CADPS2: variants seen among roughly 807,000 people sequenced by gnomAD.
The protein encoded by CADPS2 is calcium dependent secretion activator 2.
Under a neutral mutation model 172.5 loss-of-function variants are expected in CADPS2, and 93 were observed. That is an observed-to-expected ratio of 0.54 (90% CI 0.46 to 0.64). The LOEUF is 0.64. Ranked by LOEUF, CADPS2 falls within the 30% of genes least tolerant of loss-of-function variation. The pLI is 0.00. For synonymous variants in CADPS2, 546 were observed against 555.2 expected (o/e 0.98, Z 0.23); for missense variants, 1,420 against 1,565.9 (o/e 0.91, Z 1.57).
chr7:122,337,851 A>G (rs1447276394), intron 28 of CADPS2, among the ~76,000 whole-genome samples: 1 of 151,800 alleles, frequency 6.6e-6, no homozygotes. Context: ...TGACTATCTT[A>G]AAAGAGGTCA....
chr7:122,609,625 C>A (rs1312183985), intron 6 of CADPS2, among the ~76,000 whole-genome samples: 1 of 152,152 alleles, frequency 6.6e-6, no homozygotes, highest in Non-Finnish European at 1.5e-5. Flanking sequence ...TCTATCAATA[C>A]CATGTTTATT....
intron 9 of CADPS2, among the ~76,000 whole-genome samples, chr7:122,511,874 C>A (rs1002125919): frequency 1.3e-5 from 2 of 152,126 alleles, no homozygotes; most frequent in Non-Finnish European, 2.9e-5. Context: ...CATTTTAATT[C>A]ATGCACCAAT....
intron 17 of CADPS2, among the ~76,000 whole-genome samples, chr7:122,421,655 A>G (rs1025252041): frequency 1.3e-5 from 2 of 152,240 alleles, no homozygotes; most frequent in Admixed American, 6.5e-5. Flanking sequence ...GAATTTACAT[A>G]TATCTCTTTC....
chr7:122,787,918 A>G (rs1180326178), intron 1 of CADPS2, among the ~76,000 whole-genome samples: 2 of 152,198 alleles, frequency 1.3e-5, no homozygotes, highest in Non-Finnish European at 1.5e-5. Flanking sequence ...AAAACTGGAA[A>G]GGCTTTTAGG....
intron 1 of CADPS2, among the ~76,000 whole-genome samples, chr7:122,830,199 CAG>C (rs1229014137): frequency 6.6e-6 from 1 of 152,122 alleles, no homozygotes; most frequent in African/African-American, 2.4e-5. Context: ...CACCACAATG[CAG>C]AGAGACTTCA....
At chr7:122,532,704 TA>T (rs2061884565) in intron 8 of CADPS2, among the ~76,000 whole-genome samples, 1 of 151,984 alleles carries the variant, frequency 6.6e-6, no homozygotes, top group Non-Finnish European at 1.5e-5. Context: ...TTCTGAAACT[TA>T]AAAAAATGAA....
At chr7:122,591,918 T>C (rs2070871157) in intron 6 of CADPS2, among the ~76,000 whole-genome samples, 1 of 152,050 alleles carries the variant, frequency 6.6e-6, no homozygotes, top group South Asian at 2.1e-4. Context: ...ATTCAGGACA[T>C]AGGCATGGAC....
chr7:122,803,543 A>G (rs1463697051), intron 1 of CADPS2, among the ~76,000 whole-genome samples: 1 of 152,214 alleles, frequency 6.6e-6, no homozygotes, highest in Non-Finnish European at 1.5e-5. Flanking sequence ...TGACAAAGCC[A>G]TAAATCACAG....
intron 1 of CADPS2, among the ~76,000 whole-genome samples, chr7:122,811,186 C>G (rs2140160444): frequency 6.6e-6 from 1 of 152,270 alleles, no homozygotes; most frequent in African/African-American, 2.4e-5. Context: ...CCCATATAAT[C>G]TCATTCAATT....
At chr7:122,837,092 T>G (rs1808719382) in intron 1 of CADPS2, among the ~76,000 whole-genome samples, 1 of 152,192 alleles carries the variant, frequency 6.6e-6, no homozygotes, top group African/African-American at 2.4e-5. Context: ...CAGACCACAG[T>G]GCAATCAAAC....
chr7:122,368,750 A>G (rs10258797), intron 25 of CADPS2, among the ~76,000 whole-genome samples: 122,903 of 152,132 alleles, frequency 0.81, 50,104 homozygotes, highest in African/African-American at 0.89. Flanking sequence ...ACTCTTCCAA[A>G]TCCAGCATTC....
intron 28 of CADPS2, among the ~76,000 whole-genome samples, chr7:122,342,842 C>T (rs79949581): frequency 0.025 from 3,732 of 152,186 alleles, 144 homozygotes; most frequent in African/African-American, 0.084. Flanking sequence ...CGTCATGATG[C>T]CTGAATGAAA....
intron 1 of CADPS2, among the ~76,000 whole-genome samples, chr7:122,807,269 A>G (rs1314458694): frequency 5.3e-5 from 8 of 152,184 alleles, no homozygotes; most frequent in Non-Finnish European, 1.2e-4. Context: ...TGCAGGCTCC[A>G]AGACTCACAT....
intron 1 of CADPS2, among the ~76,000 whole-genome samples, chr7:122,869,922 G>A (rs147181280): frequency 5.3e-5 from 8 of 152,086 alleles, no homozygotes; most frequent in African/African-American, 4.8e-5. Context: ...TTTTATGGTA[G>A]CCTCATGGTA....
In CADPS2 at chr7:122,637,171, CTTTTTTTTTTTTTTTTTTT is replaced by C. The variant is rs71161313; in HGVS notation, c.787-7862_787-7844del. Among the ~76,000 whole-genome samples the C allele has an allele frequency of 3.7e-3, 201 of 53,900 alleles. 1 individual carries two copies. Among genetic ancestry groups the C allele is most frequent in the African/African-American group, 5.8e-3 (79 of 13,648 alleles). 35.4% of individuals were successfully genotyped at this position (53,900 alleles called of 152,430 possible). A position where few individuals can be genotyped will look rare whatever the true frequency, so the allele number is the denominator to read the frequency against. On this transcript the variant is annotated intron_variant, in intron 3 of 29. Transcript: ENST00000449022. Reference sequence around the variant, plus strand: ...CTTCTGACTGCATTATGAAATTTTGCTTTTTTTTTTTTTTTTTTTTTTTTTTTTTTTTTTTTTCCTGAGA... The same window carrying C: ...CTTCTGACTGCATTATGAAATTTTGCTTTTTTTTTTTTTTTTTTCCTGAGA...
intron 1 of CADPS2, among the ~76,000 whole-genome samples, chr7:122,749,553 C>T (rs1237287832): frequency 6.6e-6 from 1 of 152,056 alleles, no homozygotes; most frequent in Non-Finnish European, 1.5e-5. Context: ...CTGCAACCCA[C>T]TTTAAAATAA....
chr7:122,388,799 A>T (rs1206817696), intron 22 of CADPS2, 61 bp from the exon 23 acceptor site: 1 of 1,413,486 alleles, frequency 7.1e-7, no homozygotes, highest in East Asian at 2.4e-5. Context: ...TACCATTAAT[A>T]CATTGTTTTT....
chr7:122,639,021 C>T (rs1207347567), intron 3 of CADPS2, among the ~76,000 whole-genome samples: 1 of 152,174 alleles, frequency 6.6e-6, no homozygotes, highest in African/African-American at 2.4e-5. Context: ...GCGAAATTTT[C>T]AGAGGCCAAA....
chr7:122,814,060 C>G (rs1388303719), intron 1 of CADPS2, among the ~76,000 whole-genome samples: 1 of 151,784 alleles, frequency 6.6e-6, no homozygotes, highest in African/African-American at 2.4e-5. Flanking sequence ...TAAACTGAGT[C>G]TGAGAAAAAT....
Sources: gnomAD v4.1 joint callset for allele counts (sites outside exome capture counted in the v4.1 genomes callset) on GRCh38, gnomAD v4.1.1 for gene constraint, MANE v1.5 for transcripts, NCBI Gene and HGNC (gene_info 2026-07-23, HGNC 2026-07-21) for gene names.